The following ANXA6 variants were observed in gnomAD, a reference collection of about 807,000 sequenced individuals.
The protein encoded by ANXA6 is annexin A6, also known as 67 kDa calelectrin.
A neutral mutation model predicts 95.4 loss-of-function variants in ANXA6; 71 were observed. The observed-to-expected ratio is 0.74, with a 90% confidence interval of 0.61 to 0.91. The LOEUF is 0.91. Ranked by LOEUF, ANXA6 falls within the 40% of genes least tolerant of loss-of-function variation. The pLI, the probability that ANXA6 is intolerant of heterozygous loss-of-function variation, is 0.00. For synonymous variants in ANXA6, 289 were observed against 315.9 expected, an observed-to-expected ratio of 0.91 and a Z score of 0.90; for missense variants, 830 against 876.4, an observed-to-expected ratio of 0.95 and a Z score of 0.67.
At chr5:151,143,891 G>A (rs749581459) in intron 2 of ANXA6, among the ~76,000 whole-genome samples, 1 of 152,168 alleles carries the variant, frequency 6.6e-6, no homozygotes, top group African/African-American at 2.4e-5. Context: ...CCAAGGAGTA[G>A]AGTAGGGAGG....
chr5:151,138,581 G>C, intron 5 of ANXA6, 97 bp downstream of exon 5: 1 of 774,224 alleles, frequency 1.3e-6, no homozygotes, highest in Admixed American at 2.1e-5. Flanking sequence ...ACATGTGCTG[G>C]GTGGGTATGG....
intron 5 of ANXA6, among the ~76,000 whole-genome samples, chr5:151,138,134 G>A (rs1260749830): frequency 6.6e-6 from 1 of 152,168 alleles, no homozygotes; most frequent in African/African-American, 2.4e-5. Context: ...ACTGTAAAGT[G>A]CTAGATACAC....
chr5:151,105,104 C>G (rs1283788298), intron 24 of ANXA6, 141 bp downstream of exon 24: 6 of 816,818 alleles, frequency 7.3e-6, no homozygotes, highest in Non-Finnish European at 1.2e-5. Flanking sequence ...TAGAGCCAGA[C>G]AAGGGCAGAT....
Position 151,117,668 on chromosome 5 carries a change from A to G in ANXA6, c.1518+90T>C, listed in dbSNP as rs2113908912. The stretch of plus-strand genomic sequence containing the variant: ...CCCTCTCCATCAGGAGTGCACTTCT[A>G]ACTCCCCTGTGCCCTCCACTCAGTA... On this transcript the variant is annotated intron_variant, in intron 19 of 25. Coordinates refer to ENST00000354546, the MANE Select transcript of ANXA6 (RefSeq NM_001155.5). 11 of 1,145,900 alleles carry G rather than the reference A, an allele frequency of 9.6e-6. No individual in the cohort carries two copies. The South Asian group carries it at 1.3e-4, about 14-fold the overall frequency. 71.0% of individuals were successfully genotyped at this position (1,145,900 alleles called of 1,614,324 possible). A position where few individuals can be genotyped will look rare whatever the true frequency, so the allele number is the denominator to read the frequency against.
chr5:151,101,508 C>G lies in ANXA6; in HGVS notation c.1963-1G>C. 6.4e-7 allele frequency: 1 copy of G among 1,559,090 alleles called. No homozygotes were observed. The highest frequency in any genetic ancestry group is 8.7e-7 in the Non-Finnish European group (1 of 1,151,374). The stretch of plus-strand genomic sequence containing the variant: ...TCAGGAAGTCTCCGGAGGTGTCACC[C>G]TGGCAGAGGCAGAGAGCAGAGTGAG... On this transcript the variant is annotated splice_acceptor_variant, in intron 25 of 25. Transcript: ENST00000354546. LOFTEE classifies it high-confidence loss of function.
chr5:151,140,640 T>C (rs1765809301), intron 2 of ANXA6: 1 of 150,180 alleles, frequency 6.7e-6, no homozygotes. Flanking sequence ...TTGCCCTGGC[T>C]AGTTTTGAAT....
In ANXA6 at chr5:151,101,077, C is replaced by T; in HGVS notation, c.*371G>A. 2.1e-6 allele frequency: 1 copy of T among 484,978 alleles called. No homozygotes were observed. Among genetic ancestry groups the T allele is most frequent in the Non-Finnish European group, 4.1e-6 (1 of 246,886 alleles). 30.0% of individuals were successfully genotyped at this position (484,978 alleles called of 1,614,324 possible). On this transcript the variant is annotated 3_prime_UTR_variant, in exon 26 of 26. Coordinates refer to ENST00000354546, the MANE Select transcript of ANXA6 (RefSeq NM_001155.5). ...ATTCAACTGGCCCCTGCCACCAACC[C>T]CCTCATTCAAAGTACAGACACTACT...
rs577914606 is a variant in ANXA6 at position 151,139,359 on chromosome 5, G to C, written c.198C>G (p.Tyr66Ter). Reference sequence around the variant, plus strand: ...CTCCGGTTGCTGTGGTTACCTTGCCGTAGAGGGACTTGTAGCTCTGGCAGA... The same window carrying C: ...CTCCGGTTGCTGTGGTTACCTTGCCCTAGAGGGACTTGTAGCTCTGGCAGA... ...QEVCQSYKSLYGKDLIADLKY... is the reference protein window; with the variant it reads ...QEVCQSYKSL Residue 66 changes from tyrosine (Y) to a stop codon, truncating the protein, a stop_gained, in exon 4 of 26, where the codon TAC (tyrosine) becomes TAG (stop). Coordinates refer to ENST00000354546, the MANE Select transcript of ANXA6 (RefSeq NM_001155.5). LOFTEE classifies it high-confidence loss of function. The C allele has an allele frequency of 1.9e-6, 3 of 1,610,502 alleles. No individual in the cohort carries two copies. In the South Asian group the frequency reaches 3.3e-5, roughly 18 times the overall value.
chr5:151,109,896 G>A lies in ANXA6; in HGVS notation c.1591-50C>T, dbSNP rs758534226. 2.9e-6 allele frequency: 4 copies of A among 1,364,044 alleles called. No individual in the cohort carries two copies. The Admixed American group carries it at 5.8e-5, about 20-fold the overall frequency. The allele number at this position is 1,364,044 out of a possible 1,614,324, so 84.5% of individuals were successfully genotyped here. ...GATTTGGGAGGGGAGACATGAGAAA[G>A]CCTTGGTTATTATTCACTTTCATGT... On this transcript the variant is annotated intron_variant, in intron 21 of 25. Coordinates refer to ENST00000354546, the MANE Select transcript of ANXA6 (RefSeq NM_001155.5).
At chr5:151,154,872 G>A (rs1396096082) in intron 1 of ANXA6, 2 of 152,074 alleles carry the variant, frequency 1.3e-5, no homozygotes, top group African/African-American at 4.8e-5. Flanking sequence ...CAGTATAGAT[G>A]CTGGAGCCAG....
chr5:151,126,897 A>C (rs1313367362), intron 13 of ANXA6, among the ~76,000 whole-genome samples: 1 of 152,108 alleles, frequency 6.6e-6, no homozygotes, highest in Non-Finnish European at 1.5e-5. Flanking sequence ...TTGTATTTTT[A>C]GTAGAGATGG....
Position 151,101,331 on chromosome 5 carries a change from C to G in ANXA6, c.*117G>C. ...CACTGAAGATAAGAGCCCAACCCAACCCCTCCCCCCACCCCTGCCCCTTCC... is the reference window on the plus strand; with the variant it reads ...CACTGAAGATAAGAGCCCAACCCAAGCCCTCCCCCCACCCCTGCCCCTTCC... On this transcript the variant is annotated 3_prime_UTR_variant, in exon 26 of 26. Coordinates refer to ENST00000354546, the MANE Select transcript of ANXA6 (RefSeq NM_001155.5). 1.8e-5 allele frequency: 5 copies of G among 272,600 alleles called. No individual in the cohort carries two copies. Among genetic ancestry groups the G allele is most frequent in the South Asian group, 6.0e-5 (2 of 33,184 alleles). 16.9% of individuals were successfully genotyped at this position (272,600 alleles called of 1,614,324 possible). A position where few individuals can be genotyped will look rare whatever the true frequency, so the allele number is the denominator to read the frequency against.
At chr5:151,146,453 A>G (rs1195072626) in intron 2 of ANXA6, among the ~76,000 whole-genome samples, 2 of 152,192 alleles carry the variant, frequency 1.3e-5, no homozygotes, top group African/African-American at 4.8e-5. Context: ...TACTGATCCT[A>G]TAACATCCTG....
intron 14 of ANXA6, among the ~76,000 whole-genome samples, chr5:151,126,005 T>C (rs1581996350): frequency 6.6e-6 from 1 of 152,330 alleles, no homozygotes; most frequent in East Asian, 1.9e-4. Context: ...TCCTGTCCTT[T>C]GTGGACCCCC....
At chr5:151,106,790 C>A (rs1764704886) in intron 23 of ANXA6, among the ~76,000 whole-genome samples, 1 of 152,220 alleles carries the variant, frequency 6.6e-6, no homozygotes, top group Non-Finnish European at 1.5e-5. Flanking sequence ...AGAAACTTCT[C>A]TCCTCTGTAA....
intron 10 of ANXA6, among the ~76,000 whole-genome samples, chr5:151,132,150 GCA>G (rs2113932263): frequency 6.6e-6 from 1 of 152,218 alleles, no homozygotes; most frequent in Non-Finnish European, 1.5e-5. Flanking sequence ...TACACACTCA[GCA>G]CAGTGCCTGG....
At chr5:151,106,698 C>T (rs1764702812) in intron 23 of ANXA6, among the ~76,000 whole-genome samples, 1 of 152,170 alleles carries the variant, frequency 6.6e-6, no homozygotes, top group South Asian at 2.1e-4. Flanking sequence ...GTCCATGCCC[C>T]CAGTCATGAC....
intron 21 of ANXA6, among the ~76,000 whole-genome samples, chr5:151,110,278 C>T (rs752817957): frequency 2.0e-5 from 3 of 152,230 alleles, no homozygotes; most frequent in Non-Finnish European, 4.4e-5. Flanking sequence ...CAAACACACC[C>T]GATCACACTG....
intron 24 of ANXA6, among the ~76,000 whole-genome samples, 200 bp downstream of exon 24, chr5:151,105,045 G>A (rs539970660): frequency 3.3e-5 from 5 of 152,306 alleles, no homozygotes; most frequent in South Asian, 2.1e-4. Context: ...AATATCCTCC[G>A]GGGCGGGGGA....
Sources: allele counts gnomAD v4.1 joint callset (sites outside exome capture counted in the v4.1 genomes callset), GRCh38; gene constraint gnomAD v4.1.1; transcripts MANE v1.5; gene names NCBI Gene and HGNC (gene_info 2026-07-23, HGNC 2026-07-21).